AGL: variants seen among roughly 807,000 people sequenced by gnomAD.
AGL encodes the protein glycogen debranching enzyme.
AGL carries 128 observed loss-of-function variants against 199.3 expected under a neutral mutation model. That is an observed-to-expected ratio of 0.64 (90% CI 0.56 to 0.74). The LOEUF is 0.74. Among genes scored for constraint, AGL ranks in the 30% least tolerant of loss-of-function variants. AGL has a pLI of 0.00. For synonymous variants in AGL, 584 were observed against 594.7 expected (o/e 0.98, Z 0.26); for missense variants, 1,809 against 1,820.8 (o/e 0.99, Z 0.12).
intron 25 of AGL, among the ~76,000 whole-genome samples, chr1:99,899,542 T>TTTC (rs1653635391): frequency 1.3e-5 from 1 of 75,674 alleles, no homozygotes; most frequent in African/African-American, 5.2e-5. Flanking sequence ...CTCTCTCTCT[T>TTTC]TCTCTCTCTC....
intron 2 of AGL, chr1:99,852,609 C>A: frequency 1.4e-6 from 1 of 728,402 alleles, no homozygotes; most frequent in Non-Finnish European, 2.5e-6. Flanking sequence ...CTCCTGGACT[C>A]AAGCAACCCT....
intron 31 of AGL, 107 bp from the exon 32 acceptor site, chr1:99,916,303 C>CA: frequency 1.1e-6 from 1 of 902,992 alleles, no homozygotes; most frequent in Non-Finnish European, 1.7e-6. Context: ...CTGTAGAAGA[C>CA]AAAATAATTG....
intron 27 of AGL, among the ~76,000 whole-genome samples, chr1:99,907,686 G>GTTTTTTTTTTTTTTTTTTTTTT (rs1238445536): frequency 5.0e-5 from 3 of 59,844 alleles, no homozygotes; most frequent in African/African-American, 1.7e-4. Flanking sequence ...GTTTGTTTTT[G>GTTTTTTTTTTTTTTTTTTTTTT]TTTTTTGTTT....
chr1:99,883,150 AGT>A (rs1447099465), intron 17 of AGL, among the ~76,000 whole-genome samples: 1 of 152,158 alleles, frequency 6.6e-6, no homozygotes, highest in African/African-American at 2.4e-5. Context: ...AGTGTTACTA[AGT>A]GTTAAATATA....
At chr1:99,912,325 A>G (rs1341344592) in intron 28 of AGL, 80 bp from the exon 29 acceptor site, 7 of 1,006,784 alleles carry the variant, frequency 7.0e-6, no homozygotes, top group African/African-American at 1.6e-5. Flanking sequence ...ATGATTCATT[A>G]CAATTGTTTA....
At position 99,916,432 on chromosome 1, in the gene AGL, T is replaced by G; in HGVS notation, c.4282T>G (p.Tyr1428Asp). The change falls in exon 32 of 34, where the codon TAT (tyrosine) becomes GAT (aspartate). Residue 1428 changes from tyrosine to aspartate, a missense_variant. Tyr to Asp is a radical substitution (Grantham distance 160). Transcript: ENST00000361915. ...DPDDMVYCGIYDNALDNDNYN... is the reference protein window; with the variant it reads ...DPDDMVYCGIDDNALDNDNYN... Reference sequence around the variant, plus strand: ...CAGTGATATGGTTTACTGTGGAATTTATGACAATGCATTAGACAATGACAA... The same window carrying G: ...CAGTGATATGGTTTACTGTGGAATTGATGACAATGCATTAGACAATGACAA... 1 of 1,611,786 alleles carries G rather than the reference T, an allele frequency of 6.2e-7. No individual in the cohort carries two copies. Among genetic ancestry groups the G allele is most frequent in the Non-Finnish European group, 8.5e-7 (1 of 1,178,506 alleles).
intron 33 of AGL, 32 bp downstream of exon 33, chr1:99,916,763 C>T: frequency 6.2e-7 from 1 of 1,604,914 alleles, no homozygotes; most frequent in Non-Finnish European, 8.5e-7. Flanking sequence ...ATTTCCATAA[C>T]TAGTGTTTAG....
chr1:99,867,143 C>G (rs1308950940), intron 5 of AGL, among the ~76,000 whole-genome samples: 1 of 152,096 alleles, frequency 6.6e-6, no homozygotes, highest in Non-Finnish European at 1.5e-5. Context: ...AAAGTATTAT[C>G]TAGCAGAATT....
chr1:99,921,761 A>G lies in AGL; in HGVS notation c.*110A>G, dbSNP rs1655528057. On this transcript the variant is annotated 3_prime_UTR_variant, in exon 34 of 34. Coordinates refer to ENST00000361915, the MANE Select transcript of AGL (RefSeq NM_000642.3). ...AGTTGTTTTAAAAATCTCATTTATT[A>G]TAATATTGATGCTCAATTAGGTAAG... 5.8e-6 allele frequency: 4 copies of G among 693,832 alleles called. No homozygotes were observed. Among genetic ancestry groups the G allele is most frequent in the African/African-American group, 5.4e-5 (3 of 55,956 alleles). 43.0% of individuals were successfully genotyped at this position (693,832 alleles called of 1,614,324 possible).
intron 2 of AGL, among the ~76,000 whole-genome samples, chr1:99,854,072 T>C (rs911761777): frequency 6.6e-6 from 1 of 151,652 alleles, no homozygotes; most frequent in African/African-American, 2.4e-5. Context: ...CGCATGCCTA[T>C]AATCCCAGCT....
At position 99,913,696 on chromosome 1, in the gene AGL, T is replaced by C. The variant is rs1057521342; in HGVS notation, c.4119T>C (p.Cys1373=). The change falls in exon 30 of 34, where the codon TGT becomes TGC. Residue 1373 remains cysteine, a synonymous_variant. Coordinates refer to ENST00000361915, the MANE Select transcript of AGL (RefSeq NM_000642.3). The part of the protein sequence containing the change: ...KDSYGASSPW[C]DYQLRPNFTI... ...GTTATGGAGCTTCAAGTCCTTGGTG[T>C]GACTATCAGCTCAGGCCTAATTTTA... 1 of 1,614,150 alleles carries C rather than the reference T, an allele frequency of 6.2e-7. No individual in the cohort carries two copies. The highest frequency in any genetic ancestry group is 1.7e-4 in the Middle Eastern group (1 of 6,060).
intron 2 of AGL, among the ~76,000 whole-genome samples, chr1:99,852,952 C>G (rs1476889531): frequency 6.6e-6 from 1 of 152,124 alleles, no homozygotes; most frequent in Non-Finnish European, 1.5e-5. Flanking sequence ...ATTCTCGATC[C>G]TTTATTTCTC....
chr1:99,874,689 A>G lies in AGL; in HGVS notation c.961A>G (p.Asn321Asp), dbSNP rs759221495. 1 of 1,610,944 alleles carries G rather than the reference A, an allele frequency of 6.2e-7. No individual in the cohort carries two copies. The highest frequency in any genetic ancestry group is 8.5e-7 in the Non-Finnish European group (1 of 1,177,308). The change falls in exon 8 of 34, where the codon AAT becomes GAT. Residue 321 changes from asparagine to aspartate, a missense_variant and splice_region_variant. Transcript: ENST00000361915. ...EQFRRLLTQE[N>D]RRVTKSDPNQ... is the part of the protein sequence containing the mutation. ...GTATCGTCTTTTCTTTCTTTTAGAAAATAGGCGAGTAACCAAGTCTGATCC... is the reference window on the plus strand; with the variant it reads ...GTATCGTCTTTTCTTTCTTTTAGAAGATAGGCGAGTAACCAAGTCTGATCC...
chr1:99,878,718 A>G (rs1397910221), intron 12 of AGL, among the ~76,000 whole-genome samples: 2 of 152,134 alleles, frequency 1.3e-5, no homozygotes, highest in African/African-American at 4.8e-5. Context: ...TATTTCTATA[A>G]TATTAAAGCA....
At position 99,921,873 on chromosome 1, in the gene AGL, T is replaced by C; in HGVS notation, c.*222T>C. 1 of 345,780 alleles carries C rather than the reference T, an allele frequency of 2.9e-6. No individual in the cohort carries two copies. The highest frequency in any genetic ancestry group is 5.2e-6 in the Non-Finnish European group (1 of 192,560). The allele number at this position is 345,780 out of a possible 1,614,324, so 21.4% of individuals were successfully genotyped here. Reference sequence around the variant, plus strand: ...AATATCATTACCAATGAAATGTGTTTGAGTTCAGTAAGAATTATTCAAATG... The same window carrying C: ...AATATCATTACCAATGAAATGTGTTCGAGTTCAGTAAGAATTATTCAAATG... On this transcript the variant is annotated 3_prime_UTR_variant, in exon 34 of 34. Coordinates refer to ENST00000361915, the MANE Select transcript of AGL (RefSeq NM_000642.3).
rs546431116 is a variant in AGL, at chr1:99,889,030, A to T, written c.2812+922A>T. On this transcript the variant is annotated intron_variant, in intron 21 of 33. Coordinates refer to ENST00000361915, the MANE Select transcript of AGL (RefSeq NM_000642.3). Reference sequence around the variant, plus strand: ...ATTAAGAAACAGGCTTTAAAACCAGATTTCCTGGGTTACATTGACTAGTTT... The same window carrying T: ...ATTAAGAAACAGGCTTTAAAACCAGTTTTCCTGGGTTACATTGACTAGTTT... Among the ~76,000 whole-genome samples, 18 of 152,252 alleles carry T rather than the reference A, an allele frequency of 1.2e-4. No homozygotes were observed. The East Asian group carries it at 3.3e-3, about 28-fold the overall frequency.
At chr1:99,898,918 T>A (rs1275583081) in intron 25 of AGL, among the ~76,000 whole-genome samples, 1 of 152,164 alleles carries the variant, frequency 6.6e-6, no homozygotes, top group East Asian at 1.9e-4. Flanking sequence ...AGTCGTTTTA[T>A]TAAAATGTAC....
At chr1:99,904,233 T>C (rs1654078799) in intron 27 of AGL, among the ~76,000 whole-genome samples, 1 of 152,240 alleles carries the variant, frequency 6.6e-6, no homozygotes. Context: ...AATAGTAATT[T>C]ATTTCATTTT....
intron 4 of AGL, 44 bp from the exon 5 acceptor site, chr1:99,864,338 TTTTG>T (rs753956080): frequency 2.7e-6 from 4 of 1,488,572 alleles, no homozygotes; most frequent in Non-Finnish European, 3.7e-6. Flanking sequence ...TTTAGGCTGG[TTTTG>T]TTTGTTTGTT....
Sources: allele counts gnomAD v4.1 joint callset (sites outside exome capture counted in the v4.1 genomes callset), GRCh38; gene constraint gnomAD v4.1.1; transcripts MANE v1.5; gene names NCBI Gene and HGNC (gene_info 2026-07-23, HGNC 2026-07-21).